Variants in AMZ1 observed in about 807,000 individuals in gnomAD.
The protein encoded by AMZ1 is archaelysin family metallopeptidase 1, also known as archaemetzincin-1.
A neutral mutation model predicts 29.9 loss-of-function variants in AMZ1; 39 were observed. The ratio of observed to expected loss-of-function variants is 1.30; its 90% CI spans 1.01 to 1.70. AMZ1 has a LOEUF of 1.70. AMZ1 is among the 40% of genes most tolerant of loss of function. The probability of loss-of-function intolerance (pLI) is 0.00; values close to 1 mark genes in which losing one functional copy is unlikely to be tolerated. For missense variants in AMZ1, 1,041 were observed against 680.6 expected (o/e 1.53, Z -5.89); for synonymous variants, 458 against 304.0 (o/e 1.51, Z -5.27).
chr7:2,711,562 G>A (rs538034335), intron 6 of AMZ1, among the ~76,000 whole-genome samples: 1 of 152,132 alleles, frequency 6.6e-6, no homozygotes, highest in Admixed American at 6.5e-5. Flanking sequence ...AAAACATTTA[G>A]GAAGTGAGTT....
rs58092316 is a variant in AMZ1, at chr7:2,717,487, G to A, written c.*4609G>A. On this transcript the variant is annotated 3_prime_UTR_variant, in exon 7 of 7. Coordinates refer to ENST00000683327, the MANE Select transcript of AMZ1 (RefSeq NM_001384743.1). ...CCAAGGGCTCTCTGGAGCTCACCCC[G>A]CACGCAGGCTGCTCCAGAGCTGAAA... Among the ~76,000 whole-genome samples the A allele has an allele frequency of 5.0e-4, 76 of 152,302 alleles. 1 individual carries two copies. Among genetic ancestry groups the A allele is most frequent in the African/African-American group, 1.7e-3 (72 of 41,564 alleles).
At chr7:2,695,800 C>A (rs1787679607) in intron 1 of AMZ1, among the ~76,000 whole-genome samples, 1 of 152,090 alleles carries the variant, frequency 6.6e-6, no homozygotes, top group South Asian at 2.1e-4. Flanking sequence ...CACATGAGGT[C>A]AGGAGTTCGA....
At chr7:2,707,908 C>G (rs1788460568) in intron 3 of AMZ1, among the ~76,000 whole-genome samples, 1 of 144,822 alleles carries the variant, frequency 6.9e-6, no homozygotes, top group Non-Finnish European at 1.5e-5. Flanking sequence ...ATTGCCACCT[C>G]TACCTCCTGG....
chr7:2,709,838 C>A, intron 6 of AMZ1, 22 bp downstream of exon 6: 1 of 1,609,344 alleles, frequency 6.2e-7, no homozygotes, highest in Non-Finnish European at 8.5e-7. Flanking sequence ...AGTTGCGCTG[C>A]CCGGCTGCTG....
chr7:2,717,180 C>G lies in AMZ1; in HGVS notation c.*4302C>G, dbSNP rs1453686501. 1.3e-5 allele frequency among the ~76,000 whole-genome samples: 2 copies of G among 152,168 alleles called. No individual in the cohort carries two copies. Among genetic ancestry groups the G allele is most frequent in the Non-Finnish European group, 2.9e-5 (2 of 68,040 alleles). On this transcript the variant is annotated 3_prime_UTR_variant, in exon 7 of 7. Transcript: ENST00000683327. ...GTGGCCGGCACTCTTAGGTGAGGTG[C>G]CAACGAAAACACCCCCGTGATTGCT...
At position 2,702,848 on chromosome 7, in the gene AMZ1, C is replaced by T. The variant is rs758588647; in HGVS notation, c.431C>T (p.Ser144Leu). ...GCAGCCGCGTCCATCCGCTGCTCCTCGCGGCCCAGCCGGGACTCTGACAGG... is the reference window on the plus strand; with the variant it reads ...GCAGCCGCGTCCATCCGCTGCTCCTTGCGGCCCAGCCGGGACTCTGACAGG... ...SVAAASIRCS[S>L]RPSRDSDRLQ... The change falls in exon 3 of 7, where the codon TCG (serine) becomes TTG (leucine). Residue 144 changes from serine to leucine, a missense_variant. Ser to Leu is a moderately radical substitution (Grantham distance 145, BLOSUM62 -2). Coordinates refer to ENST00000683327, the MANE Select transcript of AMZ1 (RefSeq NM_001384743.1). The T allele has an allele frequency of 5.0e-5, 79 of 1,582,726 alleles. No individual in the cohort carries two copies. The East Asian group carries it at 8.7e-4, about 18-fold the overall frequency.
intron 4 of AMZ1, 90 bp from the exon 5 acceptor site, chr7:2,708,985 C>A: frequency 6.9e-7 from 1 of 1,442,670 alleles, no homozygotes; most frequent in Non-Finnish European, 9.3e-7. Context: ...CCATGGCCAG[C>A]TTGCATGAGA....
At chr7:2,685,920 C>T (rs879496844), upstream of AMZ1, among the ~76,000 whole-genome samples, 2 of 149,378 alleles carry the variant, frequency 1.3e-5, no homozygotes, top group Non-Finnish European at 3.0e-5. Flanking sequence ...CCATCCCCAA[C>T]AGAAATAACC....
In AMZ1 at chr7:2,712,761, C is replaced by G; in HGVS notation, c.1380C>G (p.Ser460Arg). The change falls in exon 7 of 7, where the codon AGC (serine) becomes AGG (arginine). Residue 460 changes from serine to arginine, a missense_variant. Ser to Arg is a moderately radical substitution (Grantham distance 110). Transcript: ENST00000683327. ...AGGACCCACCCAGCAGCAGGGACAG[C>G]GTGGGGCTGCGCAAGGTGCTGGGGG... Reference protein sequence around the residue: ...TRQDPPSSRDSVGLRKVLGDK... With the variant: ...TRQDPPSSRDRVGLRKVLGDK... The G allele has an allele frequency of 6.3e-7, 1 of 1,597,166 alleles. No individual in the cohort carries two copies. Among genetic ancestry groups the G allele is most frequent in the Non-Finnish European group, 8.5e-7 (1 of 1,170,402 alleles).
At chr7:2,759,047 G>A (rs1452285988) in intron 4 of AMZ1, among the ~76,000 whole-genome samples, 3 of 151,974 alleles carry the variant, frequency 2.0e-5, no homozygotes, top group Non-Finnish European at 4.4e-5. Context: ...GGCTGAGGCA[G>A]GAGAATCACT....
upstream of AMZ1, among the ~76,000 whole-genome samples, chr7:2,683,628 C>T (rs566122740): frequency 5.3e-3 from 807 of 152,078 alleles, 7 homozygotes; most frequent in African/African-American, 0.018. Flanking sequence ...TTAATAGAGA[C>T]GGGGTTTCAC....
intron 1 of AMZ1, among the ~76,000 whole-genome samples, chr7:2,694,042 A>G (rs3996391): frequency 0.26 from 39,812 of 152,062 alleles, 5,461 homozygotes; most frequent in East Asian, 0.41. Context: ...CTTGGCAGCT[A>G]ATGTCACTGT....
intron 1 of AMZ1, among the ~76,000 whole-genome samples, chr7:2,680,249 C>T (rs888491865): frequency 2.6e-5 from 4 of 152,064 alleles, no homozygotes; most frequent in African/African-American, 7.2e-5. Context: ...GTGCTGGTGG[C>T]GGTCTCACCA....
At chr7:2,741,824 G>C (rs970146880) in intron 4 of AMZ1, among the ~76,000 whole-genome samples, 5 of 150,830 alleles carry the variant, frequency 3.3e-5, no homozygotes, top group Non-Finnish European at 7.4e-5. Context: ...TGCTTCAGGA[G>C]AACGCCGCAA....
chr7:2,709,780 G>C lies in AMZ1; in HGVS notation c.912G>C (p.Gln304His), dbSNP rs764576374. The C allele has an allele frequency of 3.1e-6, 5 of 1,612,122 alleles. No individual in the cohort carries two copies. The South Asian group carries it at 4.4e-5, about 14-fold the overall frequency. Reference protein sequence around the residue: ...DLCPICLRKLQHVLGFRLIER... With the variant: ...DLCPICLRKLHHVLGFRLIER... ...GTCCCATCTGCCTGAGGAAGCTGCA[G>C]CATGTCCTGGGTTTCAGGCTCATCG... is the stretch of plus-strand genomic sequence containing the variant. The change falls in exon 6 of 7, where the codon CAG becomes CAC. Residue 304 changes from glutamine to histidine, a missense_variant. Transcript: ENST00000683327.
chr7:2,725,725 C>T (rs1018852425), intron 4 of AMZ1, among the ~76,000 whole-genome samples: 6 of 152,232 alleles, frequency 3.9e-5, no homozygotes, highest in African/African-American at 1.4e-4. Flanking sequence ...TGTCAGCCGC[C>T]GTTGAGGCCT....
intron 4 of AMZ1, among the ~76,000 whole-genome samples, chr7:2,744,678 T>C (rs951500270): frequency 3.1e-4 from 47 of 152,256 alleles, no homozygotes; most frequent in African/African-American, 1.1e-3. Context: ...ACAATGACTT[T>C]GACGAGTTGA....
intron 3 of AMZ1, 93 bp downstream of exon 3, chr7:2,702,982 T>C: frequency 7.1e-7 from 1 of 1,417,480 alleles, no homozygotes; most frequent in Non-Finnish European, 9.3e-7. Context: ...GAAGGGAACC[T>C]TTTCTTCCTT....
intron 6 of AMZ1, among the ~76,000 whole-genome samples, chr7:2,710,067 GA>G (rs1185950676): frequency 1.3e-5 from 2 of 152,252 alleles, no homozygotes; most frequent in Non-Finnish European, 2.9e-5. Context: ...GTCGAGTGGG[GA>G]CGAGGGCTTT....
Sources: gnomAD v4.1 joint callset for allele counts (sites outside exome capture counted in the v4.1 genomes callset) on GRCh38, gnomAD v4.1.1 for gene constraint, MANE v1.5 for transcripts, NCBI Gene and HGNC (gene_info 2026-07-23, HGNC 2026-07-21) for gene names.